Variants in UVRAG observed in about 807,000 individuals in gnomAD.
The protein encoded by UVRAG is UV radiation resistance-associated gene protein.
A neutral mutation model predicts 78.0 loss-of-function variants in UVRAG; 19 were observed. The observed-to-expected ratio is 0.24, with a 90% CI of 0.17 to 0.36. The LOEUF (loss-of-function observed/expected upper bound fraction) is 0.36. Ranked by LOEUF, UVRAG falls within the 10% of genes least tolerant of loss-of-function variation. The pLI, the probability that UVRAG is intolerant of heterozygous loss-of-function variation, is 1.00. For synonymous variants in UVRAG, 323 were observed against 324.6 expected (o/e 1.00, Z 0.05); for missense variants, 740 against 853.8 (o/e 0.87, Z 1.66).
In UVRAG at chr11:76,140,759, C is replaced by T; in HGVS notation, c.1446C>T (p.Ser482=). 1 of 1,610,800 alleles carries T rather than the reference C, an allele frequency of 6.2e-7. No homozygotes were observed. The highest frequency in any genetic ancestry group is 1.1e-5 in the South Asian group (1 of 90,412). The part of the protein sequence containing the change: ...SSAIPVPKRQ[S]SIFGGADVGF... Reference sequence around the variant, plus strand: ...CAATCCCTGTTCCTAAGAGACAAAGCTCCATATTTGGGGGTGCAGATGTAG... The same window carrying T: ...CAATCCCTGTTCCTAAGAGACAAAGTTCCATATTTGGGGGTGCAGATGTAG... Residue 482 remains serine, a synonymous_variant, in exon 15 of 15, where the codon AGC becomes AGT. Transcript: ENST00000356136.
intron 12 of UVRAG, among the ~76,000 whole-genome samples, chr11:76,027,355 A>C (rs1490336749): frequency 6.6e-6 from 1 of 152,106 alleles, no homozygotes; most frequent in African/African-American, 2.4e-5. Flanking sequence ...TCTCACTGAA[A>C]ATGTTAATTA....
intron 11 of UVRAG, chr11:76,012,797 T>TTGTGTGTGTGTG (rs56838372): frequency 7.2e-5 from 9 of 125,636 alleles, no homozygotes; most frequent in East Asian, 4.5e-4. Flanking sequence ...AAAAAAATGT[T>TTGTGTGTGTGTG]TGTGTGTGTG....
intron 13 of UVRAG, among the ~76,000 whole-genome samples, chr11:76,093,540 A>G (rs557611525): frequency 6.6e-6 from 1 of 152,210 alleles, no homozygotes; most frequent in South Asian, 2.1e-4. Context: ...TAATTGAGCA[A>G]TGGTTTGTAG....
chr11:76,074,311 C>T (rs188810895), intron 13 of UVRAG, among the ~76,000 whole-genome samples: 121 of 152,308 alleles, frequency 7.9e-4, no homozygotes, highest in African/African-American at 2.9e-3. Flanking sequence ...CTCCAAGACA[C>T]ATGTGTCATT....
intron 14 of UVRAG, among the ~76,000 whole-genome samples, chr11:76,127,272 C>CACA (rs1565172105): frequency 6.6e-6 from 1 of 152,092 alleles, no homozygotes; most frequent in Non-Finnish European, 1.5e-5. Flanking sequence ...TGGATGGTAA[C>CACA]ATAAGTACTA....
chr11:76,058,876 G>T (rs943141864), intron 12 of UVRAG, among the ~76,000 whole-genome samples: 1 of 152,314 alleles, frequency 6.6e-6, no homozygotes, highest in Middle Eastern at 3.4e-3. Context: ...TATTTAGATA[G>T]GAAAGCAAGA....
At chr11:75,879,075 C>G (rs1032398311) in intron 3 of UVRAG, among the ~76,000 whole-genome samples, 3 of 152,182 alleles carry the variant, frequency 2.0e-5, no homozygotes, top group Non-Finnish European at 4.4e-5. Flanking sequence ...GGACGGTTCT[C>G]TTAATGAGAA....
intron 12 of UVRAG, among the ~76,000 whole-genome samples, chr11:76,037,216 T>TACAAA (rs1950550277): frequency 6.6e-6 from 1 of 152,160 alleles, no homozygotes; most frequent in East Asian, 1.9e-4. Context: ...ATGAAAGACA[T>TACAAA]ACAAAACAAA....
chr11:75,917,668 C>T (rs762742838), intron 6 of UVRAG, among the ~76,000 whole-genome samples: 26 of 152,174 alleles, frequency 1.7e-4, no homozygotes, highest in Admixed American at 5.2e-4. Context: ...TCTGGAGCCA[C>T]ACTCATCGCG....
chr11:75,912,169 G>C (rs535712695), intron 6 of UVRAG, 130 bp downstream of exon 6: 2 of 654,152 alleles, frequency 3.1e-6, no homozygotes, highest in Non-Finnish European at 5.3e-6. Context: ...TTTAGTGCAA[G>C]CGTCATAAAT....
chr11:75,977,336 G>A (rs1476335717), intron 7 of UVRAG, among the ~76,000 whole-genome samples: 1 of 152,212 alleles, frequency 6.6e-6, no homozygotes, highest in Non-Finnish European at 1.5e-5. Context: ...TGAGAAGGGT[G>A]TATATTCTGT....
intron 13 of UVRAG, among the ~76,000 whole-genome samples, chr11:76,088,835 G>C (rs983990192): frequency 2.6e-5 from 4 of 152,054 alleles, no homozygotes; most frequent in African/African-American, 9.7e-5. Flanking sequence ...TGCTCACCTT[G>C]TTTTAAAAAA....
At chr11:75,994,192 G>A (rs1949663465) in intron 8 of UVRAG, among the ~76,000 whole-genome samples, 1 of 152,118 alleles carries the variant, frequency 6.6e-6, no homozygotes, top group South Asian at 2.1e-4. Flanking sequence ...CTTTATAAAA[G>A]GAGAGTTCTC....
chr11:76,016,997 T>TA lies in UVRAG; in HGVS notation c.1226+24dup, dbSNP rs57684028. The stretch of plus-strand genomic sequence containing the variant: ...GGAGAGAGAGTAAGTGTCTTTTTTT[T>TA]AAAAAAATGATTTTAACATCAAGCC... On this transcript the variant is annotated intron_variant, in intron 12 of 14. Coordinates refer to ENST00000356136, the MANE Select transcript of UVRAG (RefSeq NM_003369.4). 32 of 1,557,664 alleles carry TA rather than the reference T, an allele frequency of 2.1e-5. No homozygotes were observed. Among genetic ancestry groups the TA allele is most frequent in the Middle Eastern group, 3.4e-4 (2 of 5,810 alleles).
intron 12 of UVRAG, among the ~76,000 whole-genome samples, chr11:76,030,949 A>T (rs917188495): frequency 6.6e-6 from 1 of 152,138 alleles, no homozygotes; most frequent in Non-Finnish European, 1.5e-5. Context: ...TGTCTGAAAT[A>T]TTTTCAGGGT....
intron 8 of UVRAG, among the ~76,000 whole-genome samples, chr11:75,995,127 GTTA>G (rs1358057027): frequency 6.7e-6 from 1 of 149,852 alleles, no homozygotes; most frequent in Non-Finnish European, 1.5e-5. Context: ...CTTTATTATT[GTTA>G]TTATTATAAG....
In UVRAG at chr11:75,881,211, C is replaced by T. The variant is rs543457355; in HGVS notation, c.432+1171C>T. Among the ~76,000 whole-genome samples, 9 of 152,162 alleles carry T rather than the reference C, an allele frequency of 5.9e-5. 1 individual carries two copies. The highest frequency in any genetic ancestry group is 2.2e-4 in the African/African-American group (9 of 41,524). ...CAGTTAATTTAGAAAGTTTATTTTG[C>T]CAAGATAGGATGTGCCTGTCACACC... On this transcript the variant is annotated intron_variant, in intron 4 of 14. Transcript: ENST00000356136.
intron 13 of UVRAG, among the ~76,000 whole-genome samples, chr11:76,094,522 G>A (rs1951755478): frequency 6.6e-6 from 1 of 152,092 alleles, no homozygotes; most frequent in African/African-American, 2.4e-5. Flanking sequence ...ATCAATTATT[G>A]CCTCAATTTC....
At chr11:75,931,504 C>A (rs1291040810) in intron 6 of UVRAG, among the ~76,000 whole-genome samples, 1 of 152,088 alleles carries the variant, frequency 6.6e-6, no homozygotes, top group Non-Finnish European at 1.5e-5. Context: ...TTGCACCTGG[C>A]ATATTTTAAA....
Sources: gnomAD v4.1 joint callset for allele counts (sites outside exome capture counted in the v4.1 genomes callset) on GRCh38, gnomAD v4.1.1 for gene constraint, MANE v1.5 for transcripts, NCBI Gene and HGNC (gene_info 2026-07-23, HGNC 2026-07-21) for gene names.